The following PINX1 variants were observed in gnomAD, a reference collection of about 807,000 sequenced individuals.
PINX1 encodes PIN2/TERF1-interacting telomerase inhibitor 1.
A neutral mutation model predicts 25.4 loss-of-function variants in PINX1; 34 were observed. That is an observed-to-expected ratio of 1.34 (90% CI 1.02 to 1.78). The LOEUF (loss-of-function observed/expected upper bound fraction) is 1.78, where lower values mean the gene tolerates loss of function less well. Ranked by LOEUF, PINX1 falls within the 40% of genes most tolerant of loss-of-function variation. PINX1 has a pLI of 0.00. For missense variants in PINX1, 592 were observed against 404.9 expected, an observed-to-expected ratio of 1.46 and a Z score of -3.97; for synonymous variants, 197 against 147.7, an observed-to-expected ratio of 1.33 and a Z score of -2.42.
intron 4 of PINX1, among the ~76,000 whole-genome samples, chr8:10,829,686 C>A (rs567230156): frequency 7.6e-6 from 1 of 132,360 alleles, no homozygotes; most frequent in East Asian, 2.0e-4. Context: ...TACATTCTTA[C>A]ATTCTTTTTT....
chr8:10,792,481 G>A (rs1801955423), intron 6 of PINX1, among the ~76,000 whole-genome samples: 1 of 152,074 alleles, frequency 6.6e-6, no homozygotes, highest in Non-Finnish European at 1.5e-5. Flanking sequence ...TGCGCTCCCT[G>A]AAGGGACAGA....
At chr8:10,833,484 T>C (rs1248672825) in intron 2 of PINX1, 1 of 156,690 alleles carries the variant, frequency 6.4e-6, no homozygotes, top group Non-Finnish European at 1.4e-5. Flanking sequence ...GCTGAGAGTC[T>C]GACCAGTCAG....
chr8:10,817,594 G>C (rs1407253345), intron 6 of PINX1, among the ~76,000 whole-genome samples: 1 of 152,212 alleles, frequency 6.6e-6, no homozygotes, highest in Non-Finnish European at 1.5e-5. Flanking sequence ...AATAGATTCT[G>C]TTTTCTGCAC....
intron 6 of PINX1, among the ~76,000 whole-genome samples, chr8:10,766,143 C>T (rs1382531860): frequency 6.6e-6 from 1 of 152,146 alleles, no homozygotes; most frequent in African/African-American, 2.4e-5. Flanking sequence ...CGGCCACACA[C>T]TCCGGCTGGG....
In PINX1 at chr8:10,831,647, G is replaced by A. The variant is rs1047503916; in HGVS notation, c.301+18C>T. The A allele has an allele frequency of 1.3e-6, 2 of 1,519,258 alleles. No homozygotes were observed. The highest frequency in any genetic ancestry group is 9.1e-7 in the Non-Finnish European group (1 of 1,099,650). 94.1% of individuals were successfully genotyped at this position (1,519,258 alleles called of 1,614,324 possible). ...AAACATATTTGCATTGAGAACTTAT[G>A]TCATCTGATTTCCCTACCTGTGGTT... On this transcript the variant is annotated intron_variant, in intron 4 of 6. Coordinates refer to ENST00000314787, the MANE Select transcript of PINX1 (RefSeq NM_017884.6).
chr8:10,798,738 G>C (rs932208480), intron 6 of PINX1, among the ~76,000 whole-genome samples: 1 of 152,184 alleles, frequency 6.6e-6, no homozygotes, highest in African/African-American at 2.4e-5. Context: ...ATTATTTTCA[G>C]TCTAATGGCC....
At chr8:10,776,954 A>G (rs1801416034) in intron 6 of PINX1, among the ~76,000 whole-genome samples, 1 of 152,246 alleles carries the variant, frequency 6.6e-6, no homozygotes, top group Non-Finnish European at 1.5e-5. Context: ...AGAGAGAAGG[A>G]CAGAAGGAAA....
intron 6 of PINX1, among the ~76,000 whole-genome samples, chr8:10,766,292 A>G (rs1801043558): frequency 6.6e-6 from 1 of 152,216 alleles, no homozygotes; most frequent in African/African-American, 2.4e-5. Flanking sequence ...CCCATCAGAA[A>G]CAGGGACACT....
Position 10,788,446 on chromosome 8 carries a change from T to C in PINX1, c.472-22530A>G, listed in dbSNP as rs532026139. 2.6e-5 allele frequency among the ~76,000 whole-genome samples: 4 copies of C among 152,124 alleles called. No individual in the cohort carries two copies. The South Asian group carries it at 8.3e-4, about 32-fold the overall frequency. ...TGGGCATGGTGGCATGTGCCTGCAATCCCAGCTGCTCAGGAGGCTGAGGCA... is the reference window on the plus strand; with the variant it reads ...TGGGCATGGTGGCATGTGCCTGCAACCCCAGCTGCTCAGGAGGCTGAGGCA... On this transcript the variant is annotated intron_variant, in intron 6 of 6. Transcript: ENST00000314787.
rs140702327 is a variant in PINX1 at position 10,795,366 on chromosome 8, T to C, written c.471+24827A>G. ...CTTTCTAAAGATGCCAGCAAAATTT[T>C]TAACAATCAACGTCACCTTAAGTAA... On this transcript the variant is annotated intron_variant, in intron 6 of 6. Transcript: ENST00000314787. Among the ~76,000 whole-genome samples, 15 of 152,346 alleles carry C rather than the reference T, an allele frequency of 9.8e-5. No individual in the cohort carries two copies. The East Asian group carries it at 2.9e-3, about 29-fold the overall frequency.
intron 5 of PINX1, chr8:10,825,387 C>G (rs1798004145): frequency 5.6e-6 from 3 of 534,696 alleles, no homozygotes; most frequent in Non-Finnish European, 1.2e-5. Context: ...GCATCAGCAG[C>G]ATCATCACGC....
At chr8:10,830,623 C>T (rs1425522487) in intron 4 of PINX1, among the ~76,000 whole-genome samples, 1 of 152,140 alleles carries the variant, frequency 6.6e-6, no homozygotes, top group Non-Finnish European at 1.5e-5. Flanking sequence ...TATAAAAATG[C>T]TTGCAGATTA....
At chr8:10,796,406 G>C (rs1018247258) in intron 6 of PINX1, among the ~76,000 whole-genome samples, 11 of 152,038 alleles carry the variant, frequency 7.2e-5, no homozygotes, top group Admixed American at 4.6e-4. Context: ...TCTACCTCTC[G>C]TATCCAGCCT....
intron 4 of PINX1, among the ~76,000 whole-genome samples, chr8:10,829,505 C>T (rs1798161295): frequency 6.6e-6 from 1 of 152,096 alleles, no homozygotes; most frequent in Non-Finnish European, 1.5e-5. Flanking sequence ...GATGATACTA[C>T]TGCTTCCATT....
chr8:10,796,262 T>G (rs1346157568), intron 6 of PINX1, among the ~76,000 whole-genome samples: 1 of 152,100 alleles, frequency 6.6e-6, no homozygotes, highest in African/African-American at 2.4e-5. Flanking sequence ...GGAAAAGAAC[T>G]TCCATCTGAA....
At chr8:10,819,794 G>C (rs1416344915) in intron 6 of PINX1, among the ~76,000 whole-genome samples, 2 of 152,170 alleles carry the variant, frequency 1.3e-5, no homozygotes, top group African/African-American at 4.8e-5. Context: ...GAATGAAGGT[G>C]ACATGCTTCC....
chr8:10,826,258 G>GT lies in PINX1; in HGVS notation c.302-15_302-14insA. The stretch of plus-strand genomic sequence containing the variant: ...TGTCCGAGGAATCTTTAAAAAAGAT[G>GT]AAAAAAATACATTAAAGTCTTTCTA... On this transcript the variant is annotated splice_polypyrimidine_tract_variant and intron_variant, in intron 4 of 6. Transcript: ENST00000314787. The GT allele has an allele frequency of 7.3e-7, 1 of 1,362,772 alleles. No individual in the cohort carries two copies. The allele number at this position is 1,362,772 out of a possible 1,614,324, so 84.4% of individuals were successfully genotyped here.
intron 6 of PINX1, among the ~76,000 whole-genome samples, chr8:10,785,080 T>C (rs897576908): frequency 7.2e-6 from 1 of 138,684 alleles, no homozygotes; most frequent in East Asian, 1.9e-4. Context: ...GGAAAAAAAC[T>C]TCTTTTTAGA....
rs562043904 is a variant in PINX1, at chr8:10,768,230, G to A, written c.472-2314C>T. ...CACTGACAGTTTCGCAGCACTACAGGAGCCTGCAGTCTGTGGGCCACTCTT... is the reference window on the plus strand; with the variant it reads ...CACTGACAGTTTCGCAGCACTACAGAAGCCTGCAGTCTGTGGGCCACTCTT... On this transcript the variant is annotated intron_variant, in intron 6 of 6. Coordinates refer to ENST00000314787, the MANE Select transcript of PINX1 (RefSeq NM_017884.6). Among the ~76,000 whole-genome samples the A allele has an allele frequency of 4.6e-5, 7 of 152,310 alleles. 1 individual carries two copies. In the South Asian group the frequency reaches 1.2e-3, roughly 27 times the overall value.
Sources: gnomAD v4.1 joint callset for allele counts (sites outside exome capture counted in the v4.1 genomes callset) on GRCh38, gnomAD v4.1.1 for gene constraint, MANE v1.5 for transcripts, NCBI Gene and HGNC (gene_info 2026-07-23, HGNC 2026-07-21) for gene names.